TBC1D8: variants seen among roughly 807,000 people sequenced by gnomAD.
TBC1D8 encodes the protein BUB2-like protein 1.
In TBC1D8, 65 loss-of-function variants were observed where a neutral mutation model predicts 118.8. The observed-to-expected ratio is 0.55, with a 90% CI of 0.45 to 0.67. The LOEUF is 0.67. TBC1D8 is among the 30% of genes least tolerant of loss of function. TBC1D8 has a pLI of 0.00. For synonymous variants in TBC1D8, 566 were observed against 595.8 expected (o/e 0.95, Z 0.73); for missense variants, 1,376 against 1,471.2 (o/e 0.94, Z 1.06).
At chr2:101,090,173 T>A in intron 2 of TBC1D8, 36 bp downstream of exon 2, 1 of 1,590,546 alleles carries the variant, frequency 6.3e-7, no homozygotes, top group Non-Finnish European at 8.6e-7. Flanking sequence ...GCTTACACCT[T>A]AAGGTTTGGA....
At chr2:101,097,578 C>CA (rs1344208127) in intron 1 of TBC1D8, among the ~76,000 whole-genome samples, 1 of 151,422 alleles carries the variant, frequency 6.6e-6, no homozygotes, top group Non-Finnish European at 1.5e-5. Flanking sequence ...AATGCACCTG[C>CA]ATTTAGACTG....
intron 1 of TBC1D8, among the ~76,000 whole-genome samples, chr2:101,092,371 G>A (rs1676095085): frequency 1.3e-5 from 2 of 152,128 alleles, no homozygotes; most frequent in South Asian, 4.1e-4. Flanking sequence ...CCCATTCTTG[G>A]TAACGTTCGC....
At chr2:101,126,126 T>G (rs954560206) in intron 1 of TBC1D8, among the ~76,000 whole-genome samples, 1 of 152,010 alleles carries the variant, frequency 6.6e-6, no homozygotes, top group Non-Finnish European at 1.5e-5. Flanking sequence ...TGGTGGAAGG[T>G]GAAGGGAGCT....
At chr2:101,085,557 G>A (rs757723814) in intron 2 of TBC1D8, among the ~76,000 whole-genome samples, 9 of 152,100 alleles carry the variant, frequency 5.9e-5, no homozygotes, top group South Asian at 2.1e-4. Flanking sequence ...TATAACGTCC[G>A]GGATAACGAT....
At chr2:101,101,038 T>A (rs756868841) in intron 1 of TBC1D8, among the ~76,000 whole-genome samples, 17 of 152,008 alleles carry the variant, frequency 1.1e-4, no homozygotes, top group Non-Finnish European at 2.2e-4. Context: ...AAGCCAAAAT[T>A]GACAGATGTG....
intron 2 of TBC1D8, among the ~76,000 whole-genome samples, chr2:101,069,931 T>A (rs75359415): frequency 6.6e-6 from 1 of 151,864 alleles, no homozygotes; most frequent in South Asian, 2.1e-4. Context: ...TTTTTTTTTT[T>A]TCACACGGAA....
chr2:101,045,797 C>T (rs1681666099), intron 5 of TBC1D8, among the ~76,000 whole-genome samples: 1 of 152,126 alleles, frequency 6.6e-6, no homozygotes, highest in Non-Finnish European at 1.5e-5. Context: ...CGTTCAAGAC[C>T]AGCCTGGCCA....
intron 2 of TBC1D8, among the ~76,000 whole-genome samples, chr2:101,082,100 T>C (rs1015805584): frequency 7.2e-5 from 11 of 152,134 alleles, no homozygotes; most frequent in African/African-American, 2.7e-4. Context: ...TATCACACCA[T>C]TGCACTCTAG....
At chr2:101,068,984 G>A (rs1683161551) in intron 2 of TBC1D8, among the ~76,000 whole-genome samples, 1 of 139,282 alleles carries the variant, frequency 7.2e-6, no homozygotes, top group Non-Finnish European at 1.5e-5. Context: ...TGGGCGACAA[G>A]AGCAAGACTC....
chr2:101,079,975 C>T (rs942407804), intron 2 of TBC1D8, among the ~76,000 whole-genome samples: 2 of 152,008 alleles, frequency 1.3e-5, no homozygotes, highest in South Asian at 2.1e-4. Context: ...TGTGAGCCAC[C>T]GCGCCCAGCC....
intron 1 of TBC1D8, among the ~76,000 whole-genome samples, chr2:101,103,368 A>T (rs1159533529): frequency 2.0e-5 from 3 of 148,800 alleles, no homozygotes; most frequent in Admixed American, 6.8e-5. Context: ...AAAAAAAAAA[A>T]CTAAGGATCA....
intron 15 of TBC1D8, among the ~76,000 whole-genome samples, chr2:101,026,496 C>G (rs1680343626): frequency 1.3e-5 from 2 of 152,204 alleles, no homozygotes; most frequent in Admixed American, 1.3e-4. Context: ...CAGTCACTGA[C>G]TGCGGGGAAA....
At chr2:101,011,430 A>G in intron 18 of TBC1D8, 21 bp downstream of exon 18, 4 of 1,613,298 alleles carry the variant, frequency 2.5e-6, no homozygotes, top group Non-Finnish European at 3.4e-6. Flanking sequence ...GGGGAAAGCA[A>G]CAATGAAAAG....
chr2:101,010,517 TATG>T (rs1380824913), intron 19 of TBC1D8, among the ~76,000 whole-genome samples: 6 of 152,140 alleles, frequency 3.9e-5, no homozygotes, highest in African/African-American at 1.4e-4. Context: ...ATTTAATCAC[TATG>T]ATGTTCCGCT....
In TBC1D8 at chr2:101,036,598, A is replaced by G. The variant is rs193181833; in HGVS notation, c.1453-430T>C. ...AGAGGGCAAAGGGGAGTACAGGGGC[A>G]TCACAATTTCCCCTGAGCTTCCTGA... On this transcript the variant is annotated intron_variant, in intron 8 of 19. Transcript: ENST00000409318. Among the ~76,000 whole-genome samples the G allele has an allele frequency of 1.1e-3, 168 of 152,288 alleles. 1 individual carries two copies. The highest frequency in any genetic ancestry group is 0.011 in the Admixed American group (168 of 15,294).
intron 1 of TBC1D8, among the ~76,000 whole-genome samples, chr2:101,119,710 G>C: frequency 6.6e-6 from 1 of 152,136 alleles, no homozygotes; most frequent in East Asian, 1.9e-4. Context: ...CTTCCCTAAG[G>C]CTCTTGACTC....
At chr2:101,099,404 G>T (rs1469988902) in intron 1 of TBC1D8, among the ~76,000 whole-genome samples, 1 of 152,156 alleles carries the variant, frequency 6.6e-6, no homozygotes, top group African/African-American at 2.4e-5. Flanking sequence ...GGACCAGATG[G>T]ATTCACAGCT....
intron 9 of TBC1D8, 130 bp downstream of exon 9, chr2:101,035,888 G>A: frequency 1.8e-6 from 2 of 1,117,820 alleles, no homozygotes; most frequent in Non-Finnish European, 2.5e-6. Context: ...CCTCAGCTGG[G>A]AAATCACAGG....
intron 4 of TBC1D8, among the ~76,000 whole-genome samples, chr2:101,052,038 C>CTCAAGAA (rs1682108422): frequency 2.6e-5 from 4 of 152,182 alleles, no homozygotes; most frequent in African/African-American, 9.7e-5. Flanking sequence ...CAACATATAC[C>CTCAAGAA]TTTCTCAAGA....
Sources: gnomAD v4.1 joint callset for allele counts (sites outside exome capture counted in the v4.1 genomes callset) on GRCh38, gnomAD v4.1.1 for gene constraint, MANE v1.5 for transcripts, NCBI Gene and HGNC (gene_info 2026-07-23, HGNC 2026-07-21) for gene names.